FBXO34: variants seen among roughly 807,000 people sequenced by gnomAD.
The protein encoded by FBXO34 is F-box protein 34, also known as F-box only protein 34.
A neutral mutation model predicts 24.5 loss-of-function variants in FBXO34; 12 were observed. The ratio of observed to expected loss-of-function variants is 0.49; its 90% CI spans 0.31 to 0.79. The LOEUF (loss-of-function observed/expected upper bound fraction) is 0.79, where lower values mean the gene tolerates loss of function less well. FBXO34 is among the 30% of genes least tolerant of loss of function. The pLI is 0.04. For synonymous variants in FBXO34, 320 were observed against 311.9 expected, an observed-to-expected ratio of 1.03 and a Z score of -0.27; for missense variants, 823 against 857.7, an observed-to-expected ratio of 0.96 and a Z score of 0.51.
the FBXO34 span, among the ~76,000 whole-genome samples, chr14:55,387,917 C>A: frequency 6.6e-6 from 1 of 152,186 alleles, no homozygotes; most frequent in Non-Finnish European, 1.5e-5. Flanking sequence ...CCGCCTCGGC[C>A]TCCCAAAGTG....
the FBXO34 span, among the ~76,000 whole-genome samples, chr14:55,389,258 C>T: frequency 6.6e-6 from 1 of 152,228 alleles, no homozygotes; most frequent in Non-Finnish European, 1.5e-5. Flanking sequence ...AGGAGGTTCA[C>T]AGATGCCCGG....
intron 1 of FBXO34, among the ~76,000 whole-genome samples, chr14:55,288,374 A>G (rs546092553): frequency 1.3e-5 from 2 of 152,238 alleles, no homozygotes; most frequent in Non-Finnish European, 2.9e-5. Flanking sequence ...TACACTAATC[A>G]TAGCTGGGAA....
At chr14:55,405,882 G>A in the FBXO34 span, among the ~76,000 whole-genome samples, 1 of 151,820 alleles carries the variant, frequency 6.6e-6, no homozygotes, top group African/African-American at 2.4e-5. Flanking sequence ...CCCTGGGGGT[G>A]GGGTGGCGGG....
chr14:55,271,752 C>T (rs1881153363), intron 1 of FBXO34: 1 of 151,754 alleles, frequency 6.6e-6, no homozygotes, highest in Non-Finnish European at 1.5e-5. Flanking sequence ...CGCGCACGGC[C>T]CGGGCGCTGA....
chr14:55,327,473 T>C (rs1338318635), intron 1 of FBXO34, among the ~76,000 whole-genome samples: 1 of 151,648 alleles, frequency 6.6e-6, no homozygotes, highest in African/African-American at 2.4e-5. Flanking sequence ...GCAGTGGAGG[T>C]GGTGAGTTGT....
chr14:55,417,449 G>A, the FBXO34 span, among the ~76,000 whole-genome samples: 1 of 110,704 alleles, frequency 9.0e-6, no homozygotes, highest in African/African-American at 4.1e-5. Context: ...GATGACCCTT[G>A]CCTTAAAAAA....
At chr14:55,327,107 A>G (rs1308778147) in intron 1 of FBXO34, among the ~76,000 whole-genome samples, 1 of 152,224 alleles carries the variant, frequency 6.6e-6, no homozygotes, top group South Asian at 2.1e-4. Flanking sequence ...GAGGACAGTC[A>G]GGGAGTGCCT....
chr14:55,282,488 G>A, intron 1 of FBXO34: 2 of 239,888 alleles, frequency 8.3e-6, no homozygotes, highest in East Asian at 1.9e-4. Context: ...CAAACCCCTC[G>A]AAGTCTGTCT....
At chr14:55,356,461 G>C (rs937488915), downstream of FBXO34, among the ~76,000 whole-genome samples, 1 of 152,056 alleles carries the variant, frequency 6.6e-6, no homozygotes, top group Non-Finnish European at 1.5e-5. Context: ...TGGTTTGTTT[G>C]TTTTGAGATG....
intron 1 of FBXO34, among the ~76,000 whole-genome samples, chr14:55,282,894 G>C (rs972101859): frequency 6.6e-6 from 1 of 152,230 alleles, no homozygotes; most frequent in South Asian, 2.1e-4. Flanking sequence ...GTTTCGTAAG[G>C]TAGTCTCAAA....
At chr14:55,298,179 T>G (rs912708944) in intron 1 of FBXO34, among the ~76,000 whole-genome samples, 1 of 151,816 alleles carries the variant, frequency 6.6e-6, no homozygotes, top group African/African-American at 2.4e-5. Context: ...CAACACAAAT[T>G]TGTAAACTTT....
chr14:55,298,892 C>G, intron 1 of FBXO34: 1 of 1,596,130 alleles, frequency 6.3e-7, no homozygotes, highest in Non-Finnish European at 8.6e-7. Context: ...AGCAGCAGGC[C>G]CTGGAGAATG....
At chr14:55,392,831 C>T in the FBXO34 span, among the ~76,000 whole-genome samples, 3 of 151,970 alleles carry the variant, frequency 2.0e-5, no homozygotes, top group East Asian at 1.9e-4. Flanking sequence ...TTATGGTGAG[C>T]GAAACTCTAA....
Position 55,350,555 on chromosome 14 carries a change from A to C in FBXO34, c.165A>C (p.Lys55Asn), listed in dbSNP as rs934648034. The C allele has an allele frequency of 2.5e-6, 4 of 1,613,358 alleles. No homozygotes were observed. Among genetic ancestry groups the C allele is most frequent in the Non-Finnish European group, 3.4e-6 (4 of 1,179,842 alleles). The change falls in exon 2 of 2, where the codon AAA becomes AAC. Residue 55 changes from lysine to asparagine, a missense_variant. Physicochemically the swap from Lys to Asn is moderately conservative, Grantham distance 94. Transcript: ENST00000313833. ...TCTTTCCTTCAGCCTCTCTCGGTAA[A>C]GCATCATCTCGAAAGCCATTTGGGA... ...SSVFPSASLG[K>N]ASSRKPFGIL...
At chr14:55,370,733 C>T (rs192154575), downstream of FBXO34, among the ~76,000 whole-genome samples, 313 of 151,254 alleles carry the variant, frequency 2.1e-3, 5 homozygotes, top group African/African-American at 7.2e-3. Context: ...CTCCACCGCC[C>T]AGGTGCAAGC....
chr14:55,418,783 A>G, the FBXO34 span, among the ~76,000 whole-genome samples: 1 of 152,352 alleles, frequency 6.6e-6, no homozygotes, highest in East Asian at 1.9e-4. Context: ...AGGGCAAGGC[A>G]TCACAGCAAA....
chr14:55,346,268 G>A (rs1884156862), intron 1 of FBXO34, among the ~76,000 whole-genome samples: 1 of 152,182 alleles, frequency 6.6e-6, no homozygotes, highest in Non-Finnish European at 1.5e-5. Context: ...CACTTTGCTT[G>A]TATTGATAGA....
the FBXO34 span, among the ~76,000 whole-genome samples, chr14:55,428,119 CTTTTTTTTTTTTT>C: frequency 9.2e-5 from 4 of 43,332 alleles, no homozygotes; most frequent in African/African-American, 2.3e-4. Context: ...CATGCCTTAT[CTTTTTTTTTTTTT>C]TTTTTTTTTT....
chr14:55,407,293 G>C, the FBXO34 span, among the ~76,000 whole-genome samples: 7 of 152,136 alleles, frequency 4.6e-5, no homozygotes, highest in Non-Finnish European at 8.8e-5. Context: ...ACCACGCCCA[G>C]CTAATTTTTG....
Sources: gnomAD v4.1 joint callset for allele counts (sites outside exome capture counted in the v4.1 genomes callset) on GRCh38, gnomAD v4.1.1 for gene constraint, MANE v1.5 for transcripts, NCBI Gene and HGNC (gene_info 2026-07-23, HGNC 2026-07-21) for gene names.